The following SH3RF3 variants were observed in gnomAD, a reference collection of about 807,000 sequenced individuals.
The protein encoded by SH3RF3 is SH3 domain containing ring finger 3, also known as E3 ubiquitin-protein ligase SH3RF3.
SH3RF3 carries 29 observed loss-of-function variants against 66.3 expected under a neutral mutation model. The observed-to-expected ratio is 0.44, with a 90% CI of 0.33 to 0.60. The LOEUF is 0.60. SH3RF3 is among the 20% of genes least tolerant of loss of function. The probability of loss-of-function intolerance (pLI) is 0.04; values close to 1 mark genes in which losing one functional copy is unlikely to be tolerated. For synonymous variants in SH3RF3, 583 were observed against 532.0 expected (o/e 1.10, Z -1.32); for missense variants, 1,194 against 1,190.9 (o/e 1.00, Z -0.04).
Position 109,361,504 on chromosome 2 carries a change from C to T in SH3RF3, c.850-10082C>T, listed in dbSNP as rs183649368. 2.3e-3 allele frequency among the ~76,000 whole-genome samples: 348 copies of T among 152,218 alleles called. 1 individual carries two copies. Among genetic ancestry groups the T allele is most frequent in the African/African-American group, 7.4e-3 (309 of 41,538 alleles). ...AGTTTCTTTTTTTAAAATGGAGTCTCGCTCTGTCACCCAGGCTGGAGTGCA... is the reference window on the plus strand; with the variant it reads ...AGTTTCTTTTTTTAAAATGGAGTCTTGCTCTGTCACCCAGGCTGGAGTGCA... On this transcript the variant is annotated intron_variant, in intron 2 of 9. Coordinates refer to ENST00000309415, the MANE Select transcript of SH3RF3 (RefSeq NM_001099289.3).
intron 7 of SH3RF3, among the ~76,000 whole-genome samples, chr2:109,447,187 A>AAAAAGT (rs1480069748): frequency 3.3e-5 from 5 of 151,404 alleles, no homozygotes; most frequent in Non-Finnish European, 7.4e-5. Context: ...AAAGAAAAAG[A>AAAAAGT]AAACAGAAAA....
intron 4 of SH3RF3, among the ~76,000 whole-genome samples, chr2:109,409,136 T>G (rs1022693677): frequency 6.6e-6 from 1 of 152,218 alleles, no homozygotes; most frequent in African/African-American, 2.4e-5. Context: ...TATTCCACTG[T>G]TTTGATCCAT....
intron 1 of SH3RF3, among the ~76,000 whole-genome samples, chr2:109,238,013 C>G (rs1051884666): frequency 3.3e-5 from 5 of 152,072 alleles, no homozygotes; most frequent in African/African-American, 1.2e-4. Flanking sequence ...CAAAATCAGC[C>G]TGGGAAACAT....
intron 1 of SH3RF3, among the ~76,000 whole-genome samples, chr2:109,270,198 A>G (rs1264095224): frequency 2.0e-5 from 3 of 152,172 alleles, no homozygotes; most frequent in Non-Finnish European, 2.9e-5. Context: ...TTGGGGCAGC[A>G]TGTGGCCTGT....
intron 1 of SH3RF3, among the ~76,000 whole-genome samples, chr2:109,314,645 C>G (rs1032583637): frequency 6.6e-6 from 1 of 152,214 alleles, no homozygotes; most frequent in Non-Finnish European, 1.5e-5. Context: ...TTTGTATAAA[C>G]TTGTAAATTA....
intron 1 of SH3RF3, among the ~76,000 whole-genome samples, chr2:109,187,894 G>T (rs970411273): frequency 6.6e-6 from 1 of 152,192 alleles, no homozygotes; most frequent in African/African-American, 2.4e-5. Flanking sequence ...CACCGTGGGT[G>T]TTAAGCCTGC....
At chr2:109,282,553 C>G (rs1429001693) in intron 1 of SH3RF3, among the ~76,000 whole-genome samples, 1 of 152,182 alleles carries the variant, frequency 6.6e-6, no homozygotes, top group African/African-American at 2.4e-5. Flanking sequence ...TGTGCCTCAG[C>G]TGACTGCAGG....
intron 9 of SH3RF3, among the ~76,000 whole-genome samples, chr2:109,498,057 C>T (rs1438037119): frequency 6.6e-6 from 1 of 152,164 alleles, no homozygotes; most frequent in Non-Finnish European, 1.5e-5. Flanking sequence ...CTGGCTGCAT[C>T]CCGGCAGCCA....
intron 1 of SH3RF3, among the ~76,000 whole-genome samples, chr2:109,337,150 G>A (rs997693323): frequency 2.0e-5 from 3 of 152,232 alleles, no homozygotes; most frequent in Non-Finnish European, 4.4e-5. Context: ...TTCTAGAGAG[G>A]GAGGTACGAA....
At chr2:109,366,870 T>C (rs185596636) in intron 2 of SH3RF3, among the ~76,000 whole-genome samples, 23 of 152,236 alleles carry the variant, frequency 1.5e-4, no homozygotes, top group African/African-American at 5.1e-4. Flanking sequence ...AATAAATAAA[T>C]AAACAAAAAG....
chr2:109,236,284 T>C (rs954000853), intron 1 of SH3RF3, among the ~76,000 whole-genome samples: 3 of 152,180 alleles, frequency 2.0e-5, no homozygotes, highest in Non-Finnish European at 4.4e-5. Context: ...AAAGTCCAGG[T>C]TGTTTCTGCA....
At chr2:109,443,178 A>G (rs13426372) in intron 7 of SH3RF3, among the ~76,000 whole-genome samples, 23,072 of 152,276 alleles carry the variant, frequency 0.15, 3,225 homozygotes, top group African/African-American at 0.37. Context: ...TTATCATCTT[A>G]TTCTAGTAGA....
In SH3RF3 at chr2:109,351,710, C is replaced by T. The variant is rs370773762; in HGVS notation, c.849+3761C>T. Among the ~76,000 whole-genome samples the T allele has an allele frequency of 7.2e-4, 109 of 152,292 alleles. 1 individual carries two copies. In the East Asian group the frequency reaches 9.5e-3, roughly 13 times the overall value. ...GAATCACTTTTGCACATGACTGCAG[C>T]GGGGCCCCCAGGCTTGCCATATCAG... On this transcript the variant is annotated intron_variant, in intron 2 of 9. Transcript: ENST00000309415.
intron 1 of SH3RF3, among the ~76,000 whole-genome samples, chr2:109,151,655 C>T (rs928522989): frequency 6.6e-6 from 1 of 152,240 alleles, no homozygotes; most frequent in African/African-American, 2.4e-5. Flanking sequence ...TGCAGTACAT[C>T]TGAGGTCACA....
Position 109,254,498 on chromosome 2 carries a change from C to A in SH3RF3, c.574-93176C>A, listed in dbSNP as rs372197961. 2.2e-3 allele frequency among the ~76,000 whole-genome samples: 332 copies of A among 152,314 alleles called. 1 individual carries two copies. The highest frequency in any genetic ancestry group is 6.8e-3 in the Middle Eastern group (2 of 294). ...GCATGTAAATGTTACCAGCCTCGTT[C>A]AGCTTTGCCTCTGACACTGAGCTGA... On this transcript the variant is annotated intron_variant, in intron 1 of 9. Coordinates refer to ENST00000309415, the MANE Select transcript of SH3RF3 (RefSeq NM_001099289.3).
intron 1 of SH3RF3, among the ~76,000 whole-genome samples, chr2:109,229,305 C>A (rs1679444222): frequency 6.6e-6 from 1 of 152,214 alleles, no homozygotes; most frequent in African/African-American, 2.4e-5. Context: ...CACCCCACTT[C>A]CTCTGTTGTT....
chr2:109,135,389 C>T (rs1574467852), intron 1 of SH3RF3, among the ~76,000 whole-genome samples: 1 of 152,192 alleles, frequency 6.6e-6, no homozygotes, highest in South Asian at 2.1e-4. Context: ...ACTTCCTCAC[C>T]ATCTGCCCCG....
At chr2:109,256,960 A>G (rs1387395465) in intron 1 of SH3RF3, among the ~76,000 whole-genome samples, 1 of 152,176 alleles carries the variant, frequency 6.6e-6, no homozygotes, top group Non-Finnish European at 1.5e-5. Context: ...GCAGCTCTTC[A>G]TGCTGGAGGG....
At chr2:109,396,140 G>A (rs1421295347) in intron 3 of SH3RF3, among the ~76,000 whole-genome samples, 2 of 152,214 alleles carry the variant, frequency 1.3e-5, no homozygotes, top group Non-Finnish European at 2.9e-5. Context: ...ACCCTGTCAA[G>A]TGGGCAGAGA....
Sources: gnomAD v4.1 joint callset for allele counts (sites outside exome capture counted in the v4.1 genomes callset) on GRCh38, gnomAD v4.1.1 for gene constraint, MANE v1.5 for transcripts, NCBI Gene and HGNC (gene_info 2026-07-23, HGNC 2026-07-21) for gene names.